Variants in PTPRH observed in about 807,000 individuals in gnomAD.
The protein encoded by PTPRH is receptor-type tyrosine-protein phosphatase H.
A neutral mutation model predicts 130.2 loss-of-function variants in PTPRH; 113 were observed. That is an observed-to-expected ratio of 0.87 (90% confidence interval 0.75 to 1.01). The LOEUF is 1.01. Ranked by LOEUF, PTPRH falls within the 50% of genes least tolerant of loss-of-function variation. PTPRH has a pLI of 0.00. For synonymous variants in PTPRH, 556 were observed against 577.9 expected, an observed-to-expected ratio of 0.96 and a Z score of 0.54; for missense variants, 1,430 against 1,425.0, an observed-to-expected ratio of 1.00 and a Z score of -0.06.
At chr19:55,202,843 A>G (rs2086908714) in intron 5 of PTPRH, among the ~76,000 whole-genome samples, 2 of 151,898 alleles carry the variant, frequency 1.3e-5, no homozygotes, top group Admixed American at 1.3e-4. Flanking sequence ...GCTCAAGACC[A>G]GCCTGGCCAA....
At position 55,200,391 on chromosome 19, in the gene PTPRH, T is replaced by C; in HGVS notation, c.1265A>G (p.Glu422Gly). 6.2e-7 allele frequency: 1 copy of C among 1,614,204 alleles called. No individual in the cohort carries two copies. The highest frequency in any genetic ancestry group is 8.5e-7 in the Non-Finnish European group (1 of 1,180,024). ...PYPQDYTYWVEYTGDGGGTET... is the reference protein window; with the variant it reads ...PYPQDYTYWVGYTGDGGGTET... The stretch of plus-strand genomic sequence containing the variant: ...TGTGCCACCACCGTCTCCAGTGTAC[T>C]CTACCCAGTAGGTGTAGTCCTGAGG... The change falls in exon 7 of 20, where the codon GAG becomes GGG. Residue 422 changes from glutamate to glycine, a missense_variant. Physicochemically the swap from Glu to Gly is moderately conservative, Grantham distance 98. Coordinates refer to ENST00000376350, the MANE Select transcript of PTPRH (RefSeq NM_002842.5).
At chr19:55,188,480 T>G (rs1184610322) in intron 12 of PTPRH, among the ~76,000 whole-genome samples, 1 of 151,962 alleles carries the variant, frequency 6.6e-6, no homozygotes, top group Non-Finnish European at 1.5e-5. Flanking sequence ...ACCACTGCAC[T>G]CCAGCCTGGG....
At chr19:55,188,257 A>G in intron 12 of PTPRH, 89 bp from the exon 13 acceptor site, 1 of 1,067,950 alleles carries the variant, frequency 9.4e-7, no homozygotes, top group Non-Finnish European at 1.4e-6. Flanking sequence ...TCACGCCTGT[A>G]ATCCCAGCAC....
At chr19:55,195,601 C>G (rs1245084542) in intron 10 of PTPRH, among the ~76,000 whole-genome samples, 2 of 152,160 alleles carry the variant, frequency 1.3e-5, no homozygotes, top group African/African-American at 2.4e-5. Flanking sequence ...GAAACAGGGT[C>G]TCGTTCCTTC....
intron 8 of PTPRH, among the ~76,000 whole-genome samples, chr19:55,198,281 C>T (rs1238592554): frequency 2.6e-5 from 4 of 152,156 alleles, no homozygotes; most frequent in Admixed American, 1.3e-4. Flanking sequence ...TGGGACCCAC[C>T]GTGCCTAGGC....
Position 55,200,382 on chromosome 19 carries a change from C to G in PTPRH, c.1274G>C (p.Gly425Ala). ...TCGGGTCTCTGTGCCACCACCGTCT[C>G]CAGTGTACTCTACCCAGTAGGTGTA... ...QDYTYWVEYT[G>A]DGGGTETRNT... The change falls in exon 7 of 20, where the codon GGA becomes GCA. Residue 425 changes from glycine to alanine, a missense_variant. Transcript: ENST00000376350. 6.2e-7 allele frequency: 1 copy of G among 1,614,178 alleles called. No individual in the cohort carries two copies. Among genetic ancestry groups the G allele is most frequent in the African/African-American group, 1.3e-5 (1 of 75,044 alleles).
intron 1 of PTPRH, 89 bp from the exon 2 acceptor site, chr19:55,207,288 C>A: frequency 7.0e-7 from 1 of 1,432,370 alleles, no homozygotes; most frequent in South Asian, 1.3e-5. Context: ...GGCTGGTCCC[C>A]GCCCCATGAG....
At chr19:55,192,125 G>A (rs1390717365) in intron 10 of PTPRH, 11 of 371,994 alleles carry the variant, frequency 3.0e-5, no homozygotes, top group Non-Finnish European at 5.3e-5. Flanking sequence ...TAGTACGGCC[G>A]GGCGCGGTGG....
In PTPRH at chr19:55,206,782, C is replaced by G. The variant is rs1280845825; in HGVS notation, c.259G>C (p.Asp87His). 6.2e-7 allele frequency: 1 copy of G among 1,614,188 alleles called. No individual in the cohort carries two copies. Among genetic ancestry groups the G allele is most frequent in the Non-Finnish European group, 8.5e-7 (1 of 1,180,028 alleles). Residue 87 changes from aspartate to histidine, a missense_variant, in exon 3 of 20, where the codon GAT (aspartate) becomes CAT (histidine). By Grantham distance (81) the Asp-to-His change is moderately conservative (BLOSUM62 -1). Transcript: ENST00000376350. ...RNTTATNVTVDGLGPGSLYTC... is the reference protein window; with the variant it reads ...RNTTATNVTVHGLGPGSLYTC... The stretch of plus-strand genomic sequence containing the variant: ...TACAATGACCCGGGTCCAAGGCCAT[C>G]CACGGTGACGTTGGTGGCTGTTGTG...
Position 55,186,474 on chromosome 19 carries a change from C to T in PTPRH, c.2633G>A (p.Ser878Asn), listed in dbSNP as rs918681846. The T allele has an allele frequency of 1.3e-6, 2 of 1,584,962 alleles. No homozygotes were observed. Among genetic ancestry groups the T allele is most frequent in the Non-Finnish European group, 1.7e-6 (2 of 1,169,936 alleles). The change falls in exon 15 of 20, where the codon AGC becomes AAC. Residue 878 changes from serine (S) to asparagine (N), a missense_variant. Transcript: ENST00000376350. ...CAACCACGACCTTACGGGCATGAAG[C>T]TGGCATTGATGTAGTCAGAGCCTGG... ...EEPGSDYINA[S>N]FMPGLWSPQE...
chr19:55,196,248 C>T (rs112756918), intron 10 of PTPRH, among the ~76,000 whole-genome samples: 1 of 151,960 alleles, frequency 6.6e-6, no homozygotes, highest in Non-Finnish European at 1.5e-5. Flanking sequence ...ATTAGCCGGG[C>T]GTGGTGGCAC....
intron 10 of PTPRH, among the ~76,000 whole-genome samples, chr19:55,194,622 C>T (rs2086633271): frequency 6.6e-6 from 1 of 152,110 alleles, no homozygotes; most frequent in Admixed American, 6.6e-5. Context: ...CCAGGTCTTT[C>T]CAAAGCTTAA....
chr19:55,188,721 C>A (rs766908986), intron 12 of PTPRH, among the ~76,000 whole-genome samples: 1 of 152,110 alleles, frequency 6.6e-6, no homozygotes, highest in East Asian at 1.9e-4. Context: ...CACGTTTCAG[C>A]CCCCACCGGC....
intron 5 of PTPRH, among the ~76,000 whole-genome samples, chr19:55,203,326 CAAAAAAA>C (rs531285040): frequency 6.7e-5 from 5 of 75,176 alleles, no homozygotes; most frequent in Non-Finnish European, 1.3e-4. Context: ...GACTCTGTCT[CAAAAAAA>C]AAAAAAAAAA....
At chr19:55,183,281 G>A (rs961260828) in intron 18 of PTPRH, among the ~76,000 whole-genome samples, 1 of 150,542 alleles carries the variant, frequency 6.6e-6, no homozygotes, top group Non-Finnish European at 1.5e-5. Flanking sequence ...GCGGGCGCCT[G>A]TAGTCCCAGC....
Position 55,206,853 on chromosome 19 carries a change from T to C in PTPRH, c.188A>G (p.Tyr63Cys), listed in dbSNP as rs761700295. 1 of 1,614,080 alleles carries C rather than the reference T, an allele frequency of 6.2e-7. No homozygotes were observed. The highest frequency in any genetic ancestry group is 8.5e-7 in the Non-Finnish European group (1 of 1,179,990). Residue 63 changes from tyrosine (Y) to cysteine (C), a missense_variant, in exon 3 of 20, where the codon TAC becomes TGC. Coordinates refer to ENST00000376350, the MANE Select transcript of PTPRH (RefSeq NM_002842.5). ...PDGLDSQNSN[Y>C]WVQCTGDGGT... Reference sequence around the variant, plus strand: ...GCCGTCTCCAGTACACTGAACCCAGTAGTTGGAGTTCTGTGAGTCTAGGCC... The same window carrying C: ...GCCGTCTCCAGTACACTGAACCCAGCAGTTGGAGTTCTGTGAGTCTAGGCC...
chr19:55,203,105 G>A (rs1434119822), intron 5 of PTPRH, among the ~76,000 whole-genome samples: 1 of 151,616 alleles, frequency 6.6e-6, no homozygotes, highest in Admixed American at 6.6e-5. Context: ...AAGGCGGGTG[G>A]ATCACAAGGT....
chr19:55,196,731 T>G lies in PTPRH; in HGVS notation c.2048A>C (p.Asn683Thr), dbSNP rs781257736. The G allele has an allele frequency of 8.1e-6, 13 of 1,614,034 alleles. No homozygotes were observed. Among genetic ancestry groups the G allele is most frequent in the Non-Finnish European group, 1.1e-5 (13 of 1,180,028 alleles). Reference protein sequence around the residue: ...CVSTSAGYGVNLIWSCPQGGY... With the variant: ...CVSTSAGYGVTLIWSCPQGGY... ...TCCCTGGGGGCAGGACCAGATCAAG[T>G]TGACTCCATAGCCCGCTGAGGTGCT... The change falls in exon 10 of 20, where the codon AAC (asparagine) becomes ACC (threonine). Residue 683 changes from asparagine to threonine, a missense_variant. Coordinates refer to ENST00000376350, the MANE Select transcript of PTPRH (RefSeq NM_002842.5).
chr19:55,206,635 C>T, intron 3 of PTPRH, 54 bp downstream of exon 3: 2 of 1,506,368 alleles, frequency 1.3e-6, no homozygotes, highest in East Asian at 4.6e-5. Context: ...CTCAACCACC[C>T]CCTACCACTG....
Sources: gnomAD v4.1 joint callset for allele counts (sites outside exome capture counted in the v4.1 genomes callset) on GRCh38, gnomAD v4.1.1 for gene constraint, MANE v1.5 for transcripts, NCBI Gene and HGNC (gene_info 2026-07-23, HGNC 2026-07-21) for gene names.